The following ENTPD1 variants were observed in gnomAD, a reference collection of about 807,000 sequenced individuals.
The protein encoded by ENTPD1 is ATP diphosphohydrolase.
ENTPD1 carries 33 observed loss-of-function variants against 57.0 expected under a neutral mutation model. That is an observed-to-expected ratio of 0.58 (90% CI 0.44 to 0.77). The LOEUF (loss-of-function observed/expected upper bound fraction) is 0.77, where lower values mean the gene tolerates loss of function less well. Ranked by LOEUF, ENTPD1 falls within the 30% of genes least tolerant of loss-of-function variation. The pLI is 0.00. For synonymous variants in ENTPD1, 202 were observed against 218.8 expected (o/e 0.92, Z 0.68); for missense variants, 501 against 603.4 (o/e 0.83, Z 1.78).
At position 95,839,676 on chromosome 10, in the gene ENTPD1, C is replaced by A; in HGVS notation, c.145-15C>A. ...GATGTGATACTGATAAGTTTTTGGT[C>A]TGTGTTGCTTTCAGTATGGGATTGT... On this transcript the variant is annotated splice_polypyrimidine_tract_variant and intron_variant, in intron 2 of 9. Coordinates refer to ENST00000371205, the MANE Select transcript of ENTPD1 (RefSeq NM_001776.6). The A allele has an allele frequency of 6.2e-7, 1 of 1,613,746 alleles. No individual in the cohort carries two copies. The highest frequency in any genetic ancestry group is 8.5e-7 in the Non-Finnish European group (1 of 1,179,682).
chr10:95,756,787 C>A (rs2098027514), intron 1 of ENTPD1: 1 of 141,058 alleles, frequency 7.1e-6, no homozygotes, highest in South Asian at 2.2e-4. Context: ...GTATGTCTTT[C>A]AAAATGCTGA....
the ENTPD1 span, among the ~76,000 whole-genome samples, chr10:95,695,119 G>A: frequency 6.6e-6 from 1 of 151,928 alleles, no homozygotes; most frequent in South Asian, 2.1e-4. Context: ...GTCCAGGCTG[G>A]TCTCGAATTC....
chr10:95,750,047 T>C (rs1408972486), intron 1 of ENTPD1, among the ~76,000 whole-genome samples: 8 of 152,116 alleles, frequency 5.3e-5, no homozygotes, highest in Non-Finnish European at 4.4e-5. Context: ...TGGATGTATC[T>C]GGAAGATAGG....
chr10:95,746,026 T>C (rs981375098), intron 1 of ENTPD1, among the ~76,000 whole-genome samples: 3 of 152,166 alleles, frequency 2.0e-5, no homozygotes, highest in African/African-American at 7.2e-5. Flanking sequence ...ATAGAATCAC[T>C]TAACTTTGGG....
Position 95,711,826 on chromosome 10 carries a change from T to C in ENTPD1, c.-131T>C, listed in dbSNP as rs146837925. On this transcript the variant is annotated 5_prime_UTR_variant, in exon 1 of 10. Transcript: ENST00000453258. ...AAATAAATTTGTATGCCTTTTCTCC[T>C]ATTAACCTGCCTTTTTTGTCAGCGA... 17,533 of 1,320,992 alleles carry C rather than the reference T, an allele frequency of 0.013. 179 individuals are homozygous for C. Among genetic ancestry groups the C allele is most frequent in the Non-Finnish European group, 0.014 (13,092 of 919,574 alleles). 81.8% of individuals were successfully genotyped at this position (1,320,992 alleles called of 1,614,324 possible).
At chr10:95,799,028 G>A (rs894215348) in intron 1 of ENTPD1, among the ~76,000 whole-genome samples, 7 of 152,290 alleles carry the variant, frequency 4.6e-5, no homozygotes, top group African/African-American at 1.7e-4. Flanking sequence ...GTTTTATACA[G>A]ACAGACAATC....
At chr10:95,802,085 G>A (rs1328628096) in intron 1 of ENTPD1, among the ~76,000 whole-genome samples, 1 of 152,128 alleles carries the variant, frequency 6.6e-6, no homozygotes, top group East Asian at 1.9e-4. Context: ...CAAGGTGATC[G>A]GGGTACAGCT....
Position 95,872,610 on chromosome 10 carries a change from G to A in ENTPD1, c.*6227G>A. ...TGAGACCATTCTGTTCAGTGTCTGG[G>A]TGAAGCTTCCTGGTGAAAAATATGT... On this transcript the variant is annotated 3_prime_UTR_variant, in exon 10 of 10. Coordinates refer to ENST00000371205, the MANE Select transcript of ENTPD1 (RefSeq NM_001776.6). 1 of 985,422 alleles carries A rather than the reference G, an allele frequency of 1.0e-6. No individual in the cohort carries two copies. Among genetic ancestry groups the A allele is most frequent in the Non-Finnish European group, 1.2e-6 (1 of 829,928 alleles). 61.0% of individuals were successfully genotyped at this position (985,422 alleles called of 1,614,324 possible).
At chr10:95,795,612 T>C (rs181423152) in intron 1 of ENTPD1, among the ~76,000 whole-genome samples, 4 of 152,320 alleles carry the variant, frequency 2.6e-5, no homozygotes, top group Non-Finnish European at 4.4e-5. Flanking sequence ...TCACTGCGTC[T>C]TCATGTCAAC....
chr10:95,711,896 C>T (rs2097965879), exon 1 of ENTPD1: 1 of 1,611,510 alleles, frequency 6.2e-7, no homozygotes, highest in East Asian at 2.2e-5. Flanking sequence ...TTTCCTTGGC[C>T]CCTCCAGTTT....
intron 1 of ENTPD1, among the ~76,000 whole-genome samples, chr10:95,746,617 C>T (rs1436261850): frequency 6.6e-6 from 1 of 152,192 alleles, no homozygotes; most frequent in Admixed American, 6.5e-5. Flanking sequence ...GGCAGTGCCA[C>T]TCCTACTACT....
intron 1 of ENTPD1, among the ~76,000 whole-genome samples, chr10:95,735,381 A>G (rs964436577): frequency 6.6e-6 from 1 of 152,096 alleles, no homozygotes; most frequent in Admixed American, 6.5e-5. Flanking sequence ...AAAGAAATCT[A>G]TTTGTTTCCA....
intron 1 of ENTPD1, among the ~76,000 whole-genome samples, chr10:95,809,337 G>A (rs139726573): frequency 0.23 from 34,146 of 149,496 alleles, 4,585 homozygotes; most frequent in African/African-American, 0.37. Context: ...TGGGGTGGCC[G>A]GGCAGAGGCG....
At chr10:95,863,829 C>T (rs1192645069) in intron 8 of ENTPD1, among the ~76,000 whole-genome samples, 6 of 152,200 alleles carry the variant, frequency 3.9e-5, no homozygotes, top group South Asian at 2.1e-4. Context: ...CTCTCTCTGC[C>T]GAGGGTATCC....
intron 1 of ENTPD1, among the ~76,000 whole-genome samples, chr10:95,800,591 ACAGACATTCC>A (rs2098244999): frequency 6.6e-6 from 1 of 152,148 alleles, no homozygotes; most frequent in South Asian, 2.1e-4. Flanking sequence ...ACTGCATAAG[ACAGACATTCC>A]CAGAGTGGCT....
At chr10:95,730,287 T>C (rs548589857) in intron 1 of ENTPD1, among the ~76,000 whole-genome samples, 1 of 151,922 alleles carries the variant, frequency 6.6e-6, no homozygotes, top group Non-Finnish European at 1.5e-5. Context: ...ACTCCTGAGC[T>C]CAAGTGAGCT....
At chr10:95,806,304 G>A (rs1304501833) in intron 1 of ENTPD1, among the ~76,000 whole-genome samples, 1 of 152,292 alleles carries the variant, frequency 6.6e-6, no homozygotes, top group Middle Eastern at 3.4e-3. Context: ...GGTTGTGCAT[G>A]TGTCACATAG....
intron 1 of ENTPD1, among the ~76,000 whole-genome samples, chr10:95,816,294 T>C (rs1451318284): frequency 6.6e-6 from 1 of 152,196 alleles, no homozygotes; most frequent in East Asian, 1.9e-4. Context: ...TTTCCTGCCA[T>C]GTCTGTCTAA....
At chr10:95,773,342 T>C (rs2098122099) in intron 1 of ENTPD1, among the ~76,000 whole-genome samples, 1 of 152,190 alleles carries the variant, frequency 6.6e-6, no homozygotes, top group South Asian at 2.1e-4. Flanking sequence ...AAAACATTTA[T>C]CTTCTTGTAT....
Sources: allele counts gnomAD v4.1 joint callset (sites outside exome capture counted in the v4.1 genomes callset), GRCh38; gene constraint gnomAD v4.1.1; transcripts MANE v1.5; gene names NCBI Gene and HGNC (gene_info 2026-07-23, HGNC 2026-07-21).